RSF1: variants seen among roughly 807,000 people sequenced by gnomAD.
RSF1 encodes the protein HBV pX-associated protein 8.
A neutral mutation model predicts 145.2 loss-of-function variants in RSF1; 13 were observed. The ratio of observed to expected loss-of-function variants is 0.09; its 90% CI spans 0.06 to 0.14. The LOEUF (loss-of-function observed/expected upper bound fraction) is 0.14. RSF1 is among the 10% of genes least tolerant of loss of function. The pLI is 1.00. For synonymous variants in RSF1, 577 were observed against 592.6 expected (o/e 0.97, Z 0.38); for missense variants, 1,517 against 1,718.2 (o/e 0.88, Z 2.07).
At chr11:77,685,946 C>A (rs889637448) in intron 9 of RSF1, among the ~76,000 whole-genome samples, 1 of 152,096 alleles carries the variant, frequency 6.6e-6, no homozygotes, top group Non-Finnish European at 1.5e-5. Flanking sequence ...GACACTGAGA[C>A]CATTCATTCC....
At chr11:77,692,546 T>TTTCATCATTTAAAAAAAATAATTATTACC (rs1960181864) in intron 8 of RSF1, among the ~76,000 whole-genome samples, 1 of 149,632 alleles carries the variant, frequency 6.7e-6, no homozygotes, top group African/African-American at 2.5e-5. Flanking sequence ...GCCCGGCCAC[T>TTTCATCATTTAAAAAAAATAATTATTACC]ACTTTTAAAT....
At chr11:77,704,030 A>C (rs1018727864) in intron 5 of RSF1, among the ~76,000 whole-genome samples, 1 of 152,244 alleles carries the variant, frequency 6.6e-6, no homozygotes, top group Non-Finnish European at 1.5e-5. Context: ...GCAATGGCTC[A>C]CGCCTTTAAT....
chr11:77,766,477 G>A (rs980105349), intron 1 of RSF1, among the ~76,000 whole-genome samples: 1 of 152,170 alleles, frequency 6.6e-6, no homozygotes. Context: ...CTACTTGAGT[G>A]AATCTTCATA....
chr11:77,678,183 C>A (rs753279331), intron 11 of RSF1, 30 bp from the exon 12 acceptor site: 3 of 1,214,034 alleles, frequency 2.5e-6, no homozygotes, highest in Non-Finnish European at 3.4e-6. Context: ...CACATTATAG[C>A]CTGTCCTGGC....
intron 1 of RSF1, among the ~76,000 whole-genome samples, chr11:77,768,293 G>C (rs1229405051): frequency 6.6e-6 from 1 of 151,366 alleles, no homozygotes; most frequent in Non-Finnish European, 1.5e-5. Flanking sequence ...CTCCCCAGTA[G>C]CTGGGATTAC....
At position 77,751,105 on chromosome 11, in the gene RSF1, G is replaced by C. The variant is rs369956504; in HGVS notation, c.280-3977C>G. On this transcript the variant is annotated intron_variant, in intron 2 of 15. Transcript: ENST00000308488. ...ATGAGGATGGAAAATGTTGGGCAGA[G>C]GAAAGGAAGGGAGCTTTTTTAAAGG... Among the ~76,000 whole-genome samples the C allele has an allele frequency of 1.9e-3, 289 of 152,246 alleles. 4 individuals carry two copies. The highest frequency in any genetic ancestry group is 6.8e-3 in the African/African-American group (281 of 41,544).
the RSF1 span, among the ~76,000 whole-genome samples, chr11:77,856,826 C>T: frequency 6.6e-5 from 10 of 152,276 alleles, no homozygotes; most frequent in Admixed American, 1.3e-4. Context: ...GATTACAATT[C>T]GACATGAGAT....
At chr11:77,865,556 A>G in the RSF1 span, among the ~76,000 whole-genome samples, 3 of 152,242 alleles carry the variant, frequency 2.0e-5, no homozygotes, top group African/African-American at 7.2e-5. Flanking sequence ...GCACAGTCAC[A>G]TGACCACATT....
At chr11:77,818,203 C>T (rs1948800368) in intron 1 of RSF1, among the ~76,000 whole-genome samples, 1 of 152,194 alleles carries the variant, frequency 6.6e-6, no homozygotes, top group Non-Finnish European at 1.5e-5. Context: ...ATTCAACTGA[C>T]TCTAATATTG....
intron 5 of RSF1, among the ~76,000 whole-genome samples, chr11:77,725,139 A>T (rs1190585581): frequency 1.3e-5 from 2 of 152,184 alleles, no homozygotes; most frequent in Non-Finnish European, 2.9e-5. Flanking sequence ...AGATCAAAAA[A>T]GTTCTGGAGA....
chr11:77,735,339 C>A (rs977402879), intron 4 of RSF1, among the ~76,000 whole-genome samples: 1 of 152,086 alleles, frequency 6.6e-6, no homozygotes, highest in Non-Finnish European at 1.5e-5. Context: ...TTCAGTAGAT[C>A]AACTATGTAA....
chr11:77,696,651 T>A (rs1960284886), intron 7 of RSF1, among the ~76,000 whole-genome samples: 1 of 152,224 alleles, frequency 6.6e-6, no homozygotes, highest in South Asian at 2.1e-4. Context: ...TAAAGGGACA[T>A]TAGAAAATGG....
At chr11:77,745,470 AT>A (rs1232285641) in intron 3 of RSF1, among the ~76,000 whole-genome samples, 3 of 148,412 alleles carry the variant, frequency 2.0e-5, no homozygotes, top group African/African-American at 7.5e-5. Flanking sequence ...TTGACTTTCC[AT>A]TTTCATTTCT....
In RSF1 at chr11:77,662,598, C is replaced by A. The variant is rs1959255998; in HGVS notation, c.*4319G>T. The A allele has an allele frequency of 6.6e-6, 1 of 152,058 alleles. No individual in the cohort carries two copies. Among genetic ancestry groups the A allele is most frequent in the South Asian group, 2.1e-4 (1 of 4,828 alleles). 9.4% of individuals were successfully genotyped at this position (152,058 alleles called of 1,614,324 possible). The stretch of plus-strand genomic sequence containing the variant: ...TGAAAACAAATTAGTGAACATATAG[C>A]AACTCAGTTTAAATACATTGATAGC... On this transcript the variant is annotated 3_prime_UTR_variant, in exon 16 of 16. Transcript: ENST00000308488.
upstream of RSF1, among the ~76,000 whole-genome samples, chr11:77,822,986 C>G (rs1236449599): frequency 6.6e-5 from 10 of 151,980 alleles, no homozygotes; most frequent in Admixed American, 6.6e-4. Flanking sequence ...GAGGTCGAGA[C>G]GGGCGGGTCA....
chr11:77,663,053 T>A lies in RSF1; in HGVS notation c.*3864A>T, dbSNP rs1385784828. 1 of 152,230 alleles carries A rather than the reference T, an allele frequency of 6.6e-6. No homozygotes were observed. The highest frequency in any genetic ancestry group is 1.5e-5 in the Non-Finnish European group (1 of 68,032). The allele number at this position is 152,230 out of a possible 1,614,324, so 9.4% of individuals were successfully genotyped here. ...CACACACATATACACATGTACCATT[T>A]AACTCTGGGTCTTTGAATAGTTGTT... On this transcript the variant is annotated 3_prime_UTR_variant, in exon 16 of 16. Transcript: ENST00000308488.
intron 1 of RSF1, among the ~76,000 whole-genome samples, chr11:77,799,221 A>G (rs1948603649): frequency 6.6e-6 from 1 of 152,020 alleles, no homozygotes; most frequent in Non-Finnish European, 1.5e-5. Flanking sequence ...CCATTAGAAA[A>G]TGGGTAGGCA....
In RSF1 at chr11:77,663,381, A is replaced by AT. The variant is rs2135800428; in HGVS notation, c.*3535dup. On this transcript the variant is annotated 3_prime_UTR_variant, in exon 16 of 16. Coordinates refer to ENST00000308488, the MANE Select transcript of RSF1 (RefSeq NM_016578.4). The stretch of plus-strand genomic sequence containing the variant: ...ATATGTGTACTTTGCTCAAATGTAT[A>AT]TTATAGGATGGGTTTCATCAACTAA... 1.3e-5 allele frequency: 2 copies of AT among 152,316 alleles called. No individual in the cohort carries two copies. The highest frequency in any genetic ancestry group is 3.9e-4 in the East Asian group (2 of 5,186). 9.4% of individuals were successfully genotyped at this position (152,316 alleles called of 1,614,324 possible).
At position 77,664,307 on chromosome 11, in the gene RSF1, A is replaced by G. The variant is rs1959308657; in HGVS notation, c.*2610T>C. ...CCTATAGTTAATTGATTTAATCAAA[A>G]TATAAGGTGAGAAGGGGTACATTCA... On this transcript the variant is annotated 3_prime_UTR_variant, in exon 16 of 16. Coordinates refer to ENST00000308488, the MANE Select transcript of RSF1 (RefSeq NM_016578.4). The G allele has an allele frequency of 6.6e-6, 1 of 152,172 alleles. No individual in the cohort carries two copies. Among genetic ancestry groups the G allele is most frequent in the Non-Finnish European group, 1.5e-5 (1 of 68,028 alleles). The allele number at this position is 152,172 out of a possible 1,614,324, so 9.4% of individuals were successfully genotyped here.
Sources: allele counts gnomAD v4.1 joint callset (sites outside exome capture counted in the v4.1 genomes callset), GRCh38; gene constraint gnomAD v4.1.1; transcripts MANE v1.5; gene names NCBI Gene and HGNC (gene_info 2026-07-23, HGNC 2026-07-21).